The following TMEM144 variants were observed in gnomAD, a reference collection of about 807,000 sequenced individuals.
TMEM144 encodes the protein transmembrane protein 144.
Under a neutral mutation model 43.6 loss-of-function variants are expected in TMEM144, and 39 were observed. That is an observed-to-expected ratio of 0.90 (90% confidence interval 0.69 to 1.17). TMEM144 has a LOEUF of 1.17. Among genes scored for constraint, TMEM144 ranks in the 50% most tolerant of loss-of-function variants. TMEM144 has a pLI of 0.00. For missense variants in TMEM144, 417 were observed against 411.9 expected, an observed-to-expected ratio of 1.01 and a Z score of -0.11; for synonymous variants, 154 against 133.6, an observed-to-expected ratio of 1.15 and a Z score of -1.06.
intron 6 of TMEM144, among the ~76,000 whole-genome samples, chr4:158,230,490 A>G (rs1210259794): frequency 6.6e-6 from 1 of 152,100 alleles, no homozygotes; most frequent in Non-Finnish European, 1.5e-5. Flanking sequence ...TGTATTGTTT[A>G]TTAGAAAAAC....
intron 7 of TMEM144, chr4:158,233,878 C>T (rs1735208383): frequency 6.6e-6 from 1 of 152,218 alleles, no homozygotes; most frequent in Non-Finnish European, 1.5e-5. Context: ...CCACAGGCAT[C>T]TCTAATCAGG....
intron 6 of TMEM144, among the ~76,000 whole-genome samples, chr4:158,220,197 C>T (rs1389574964): frequency 1.3e-5 from 2 of 152,180 alleles, no homozygotes; most frequent in African/African-American, 2.4e-5. Context: ...GGAACAATCT[C>T]TTTGTCATTG....
In TMEM144 at chr4:158,253,584, C is replaced by G. The variant is rs892230674; in HGVS notation, c.*57C>G. 4 of 1,393,896 alleles carry G rather than the reference C, an allele frequency of 2.9e-6. No homozygotes were observed. In the Admixed American group the frequency reaches 7.0e-5, roughly 24 times the overall value. 86.3% of individuals were successfully genotyped at this position (1,393,896 alleles called of 1,614,324 possible). A position where few individuals can be genotyped will look rare whatever the true frequency, so the allele number is the denominator to read the frequency against. ...TTAAGAGAACGCGTCTATCGGACAGCGGAGAGATCATGCTGAGAAAAGAGT... is the reference window on the plus strand; with the variant it reads ...TTAAGAGAACGCGTCTATCGGACAGGGGAGAGATCATGCTGAGAAAAGAGT... On this transcript the variant is annotated 3_prime_UTR_variant, in exon 13 of 13. Transcript: ENST00000296529.
At chr4:158,248,166 C>T (rs1026062415) in intron 12 of TMEM144, among the ~76,000 whole-genome samples, 9 of 148,538 alleles carry the variant, frequency 6.1e-5, no homozygotes, top group Non-Finnish European at 1.3e-4. Flanking sequence ...GGCATGGTGG[C>T]TTATGCCTGT....
chr4:158,235,634 C>A, intron 8 of TMEM144, 129 bp downstream of exon 8: 1 of 951,824 alleles, frequency 1.1e-6, no homozygotes, highest in Non-Finnish European at 1.5e-6. Context: ...ACTTCTATCT[C>A]CATGCGGCGA....
chr4:158,219,529 T>C, intron 6 of TMEM144, 139 bp downstream of exon 6: 1 of 893,446 alleles, frequency 1.1e-6, no homozygotes, highest in Non-Finnish European at 1.7e-6. Context: ...TCATTTACAA[T>C]GACTGGTTTT....
At chr4:158,228,384 A>G (rs1297386871) in intron 6 of TMEM144, among the ~76,000 whole-genome samples, 1 of 144,344 alleles carries the variant, frequency 6.9e-6, no homozygotes, top group Non-Finnish European at 1.5e-5. Flanking sequence ...CAAAACCAAA[A>G]CCAAAACTAA....
chr4:158,242,688 A>G (rs1410341925), intron 11 of TMEM144, among the ~76,000 whole-genome samples: 1 of 152,204 alleles, frequency 6.6e-6, no homozygotes, highest in East Asian at 1.9e-4. Flanking sequence ...AAAGAAAGAA[A>G]GAAAAAAGTC....
Position 158,240,438 on chromosome 4 carries a change from ATCT to A in TMEM144, c.802+25_802+27del. On this transcript the variant is annotated intron_variant, in intron 10 of 12. Coordinates refer to ENST00000296529, the MANE Select transcript of TMEM144 (RefSeq NM_018342.5). ...TACCAGGTAAGAATATGTACTACAG[ATCT>A]TCTTACTATATGAAAGTGTCATCTA... The A allele has an allele frequency of 1.9e-6, 3 of 1,580,354 alleles. No homozygotes were observed. The highest frequency in any genetic ancestry group is 2.4e-5 in the South Asian group (2 of 84,760).
At chr4:158,213,733 C>T (rs1361664585) in intron 3 of TMEM144, 1 of 152,180 alleles carries the variant, frequency 6.6e-6, no homozygotes, top group African/African-American at 2.4e-5. Context: ...TAGTATTTAT[C>T]ACCTGACAGC....
intron 6 of TMEM144, among the ~76,000 whole-genome samples, chr4:158,220,631 T>C (rs1224751435): frequency 6.6e-6 from 1 of 152,238 alleles, no homozygotes; most frequent in Non-Finnish European, 1.5e-5. Context: ...TCATAAAGTA[T>C]TTTGAGGGTT....
chr4:158,251,522 C>T (rs1736203736), intron 12 of TMEM144, among the ~76,000 whole-genome samples: 1 of 152,204 alleles, frequency 6.6e-6, no homozygotes, highest in Admixed American at 6.5e-5. Flanking sequence ...GAAATAGCTG[C>T]AGAGGCCATG....
intron 6 of TMEM144, among the ~76,000 whole-genome samples, chr4:158,230,024 C>T (rs1055407095): frequency 6.6e-6 from 1 of 152,210 alleles, no homozygotes; most frequent in Non-Finnish European, 1.5e-5. Flanking sequence ...TCACCCCTCC[C>T]TTCGGGAGCT....
intron 6 of TMEM144, among the ~76,000 whole-genome samples, chr4:158,230,577 C>T (rs911137905): frequency 2.6e-5 from 4 of 151,232 alleles, no homozygotes; most frequent in African/African-American, 7.3e-5. Context: ...CTAATATTAA[C>T]CTTACAAATA....
In TMEM144 at chr4:158,228,830, G is replaced by A. The variant is rs1429515358; in HGVS notation, c.414-4071G>A. On this transcript the variant is annotated intron_variant, in intron 6 of 12. Transcript: ENST00000296529. ...AGTGGTTTATTCGGCCAGGAGCATCGGGCAAGACTCCTGTCTTAAGAGCCA... is the reference window on the plus strand; with the variant it reads ...AGTGGTTTATTCGGCCAGGAGCATCAGGCAAGACTCCTGTCTTAAGAGCCA... Among the ~76,000 whole-genome samples the A allele has an allele frequency of 3.9e-5, 6 of 152,224 alleles. No individual in the cohort carries two copies. The East Asian group carries it at 5.8e-4, about 15-fold the overall frequency.
At chr4:158,230,392 G>A (rs1735016947) in intron 6 of TMEM144, among the ~76,000 whole-genome samples, 1 of 152,126 alleles carries the variant, frequency 6.6e-6, no homozygotes, top group South Asian at 2.1e-4. Context: ...TTTTTGATGT[G>A]AGCCTCTGAT....
At chr4:158,252,159 A>T (rs1305273576) in intron 12 of TMEM144, among the ~76,000 whole-genome samples, 2 of 152,224 alleles carry the variant, frequency 1.3e-5, no homozygotes, top group Non-Finnish European at 2.9e-5. Flanking sequence ...TGGAACTTAT[A>T]GGAAATGAAA....
chr4:158,236,858 C>A (rs769319072), intron 8 of TMEM144, among the ~76,000 whole-genome samples: 1 of 152,188 alleles, frequency 6.6e-6, no homozygotes, highest in Non-Finnish European at 1.5e-5. Flanking sequence ...ATCACCTCCC[C>A]CTACAATCAT....
chr4:158,240,230 T>C, intron 9 of TMEM144, 69 bp from the exon 10 acceptor site: 2 of 1,531,730 alleles, frequency 1.3e-6, no homozygotes, highest in Middle Eastern at 1.8e-4. Flanking sequence ...GGTGAGTTTA[T>C]TTTCAGAAAT....
Sources: allele counts gnomAD v4.1 joint callset (sites outside exome capture counted in the v4.1 genomes callset), GRCh38; gene constraint gnomAD v4.1.1; transcripts MANE v1.5; gene names NCBI Gene and HGNC (gene_info 2026-07-23, HGNC 2026-07-21).